Variants in PRKCZ observed in about 807,000 individuals in gnomAD.
PRKCZ encodes protein kinase C zeta, also known as protein kinase C zeta type.
Under a neutral mutation model 79.5 loss-of-function variants are expected in PRKCZ, and 33 were observed. The ratio of observed to expected loss-of-function variants is 0.41; its 90% CI spans 0.31 to 0.55. The LOEUF is 0.55. Among genes scored for constraint, PRKCZ ranks in the 20% least tolerant of loss-of-function variants. The pLI is 0.19. For missense variants in PRKCZ, 578 were observed against 813.5 expected (o/e 0.71, Z 3.52); for synonymous variants, 342 against 320.9 (o/e 1.07, Z -0.70).
At chr1:2,061,412 T>TG (rs1179986742) in intron 4 of PRKCZ, among the ~76,000 whole-genome samples, 29 of 90,212 alleles carry the variant, frequency 3.2e-4, no homozygotes, top group African/African-American at 1.3e-3. Context: ...AAGGGGAGGT[T>TG]GGGGGGTCAC....
intron 3 of PRKCZ, among the ~76,000 whole-genome samples, chr1:2,057,178 C>G (rs1213649987): frequency 1.3e-5 from 2 of 152,248 alleles, no homozygotes; most frequent in African/African-American, 4.8e-5. Flanking sequence ...CCGGTGCTCC[C>G]TAGGCCCGGC....
Position 2,185,003 on chromosome 1 carries a change from G to T in PRKCZ, c.1773G>T (p.Ser591=). The T allele has an allele frequency of 6.2e-7, 1 of 1,612,428 alleles. No homozygotes were observed. Among genetic ancestry groups the T allele is most frequent in the Non-Finnish European group, 8.5e-7 (1 of 1,179,262 alleles). Residue 591 remains serine, a synonymous_variant, in exon 18 of 18, where the codon TCG becomes TCT. Coordinates refer to ENST00000378567, the MANE Select transcript of PRKCZ (RefSeq NM_002744.6). ...INPLLLSTEE[S]V is the part of the protein sequence containing the mutation. ...CATTATTGCTGTCCACCGAGGAGTC[G>T]GTGTGAGGCCGCGTGCGTCTCTGTC...
chr1:2,057,135 A>G (rs2102223501), intron 3 of PRKCZ, among the ~76,000 whole-genome samples: 1 of 152,360 alleles, frequency 6.6e-6, no homozygotes, highest in South Asian at 2.1e-4. Context: ...GCATGTGGAC[A>G]GAGGGGACAG....
At chr1:2,180,528 G>C (rs2945575) in intron 16 of PRKCZ, among the ~76,000 whole-genome samples, 1 of 150,968 alleles carries the variant, frequency 6.6e-6, no homozygotes. Flanking sequence ...CACAGATGAC[G>C]TGGACGCACG....
At chr1:2,067,154 T>C (rs61601646) in intron 4 of PRKCZ, among the ~76,000 whole-genome samples, 1 of 152,222 alleles carries the variant, frequency 6.6e-6, no homozygotes, top group East Asian at 1.9e-4. Flanking sequence ...ATGTCTGTTT[T>C]TTGAAATCTA....
At chr1:2,129,467 G>A in intron 4 of PRKCZ, among the ~76,000 whole-genome samples, 1 of 152,204 alleles carries the variant, frequency 6.6e-6, no homozygotes, top group Admixed American at 6.5e-5. Context: ...GTGGGCTCCT[G>A]GAAGAGGCAG....
chr1:2,180,061 G>A (rs1283913622), intron 16 of PRKCZ, among the ~76,000 whole-genome samples: 1 of 152,166 alleles, frequency 6.6e-6, no homozygotes, highest in African/African-American at 2.4e-5. Context: ...TCATGGAGAG[G>A]GACAAGCCCC....
intron 4 of PRKCZ, among the ~76,000 whole-genome samples, chr1:2,091,866 G>A (rs917949172): frequency 1.3e-5 from 2 of 152,152 alleles, no homozygotes; most frequent in Admixed American, 6.5e-5. Flanking sequence ...TCCTGTGTTG[G>A]GGCCACGGAG....
chr1:2,185,185 C>T lies in PRKCZ; in HGVS notation c.*176C>T, dbSNP rs375170466. On this transcript the variant is annotated 3_prime_UTR_variant, in exon 18 of 18. Coordinates refer to ENST00000378567, the MANE Select transcript of PRKCZ (RefSeq NM_002744.6). Reference sequence around the variant, plus strand: ...CTGCTGGGAGCAGAACAGTCCCTCACACCTGGGCCCGGGCAGGCCAGCTTC... The same window carrying T: ...CTGCTGGGAGCAGAACAGTCCCTCATACCTGGGCCCGGGCAGGCCAGCTTC... 5 of 719,666 alleles carry T rather than the reference C, an allele frequency of 6.9e-6. No individual in the cohort carries two copies. Among genetic ancestry groups the T allele is most frequent in the East Asian group, 2.7e-5 (1 of 37,178 alleles). The allele number at this position is 719,666 out of a possible 1,614,324, so 44.6% of individuals were successfully genotyped here.
At chr1:2,054,034 G>T (rs933790906) in intron 1 of PRKCZ, among the ~76,000 whole-genome samples, 1 of 152,192 alleles carries the variant, frequency 6.6e-6, no homozygotes, top group Non-Finnish European at 1.5e-5. Context: ...TGTGGGGCAG[G>T]TGGGCCCTGG....
At chr1:2,059,845 C>A (rs907118663) in intron 4 of PRKCZ, among the ~76,000 whole-genome samples, 1 of 152,116 alleles carries the variant, frequency 6.6e-6, no homozygotes, top group Non-Finnish European at 1.5e-5. Context: ...GGTGCCCTGC[C>A]GTCTCCCTAG....
At chr1:2,051,328 C>T (rs746910049) in intron 1 of PRKCZ, among the ~76,000 whole-genome samples, 2 of 152,182 alleles carry the variant, frequency 1.3e-5, no homozygotes, top group Non-Finnish European at 2.9e-5. Flanking sequence ...GGGTCCTGGA[C>T]TCTTGGCCGC....
intron 4 of PRKCZ, among the ~76,000 whole-genome samples, chr1:2,089,214 C>T (rs1413642314): frequency 7.8e-6 from 1 of 127,476 alleles, no homozygotes; most frequent in African/African-American, 3.9e-5. Context: ...CAGAGTTCGG[C>T]CGGGCGATGG....
intron 4 of PRKCZ, among the ~76,000 whole-genome samples, chr1:2,117,719 A>G (rs1671022060): frequency 6.6e-6 from 1 of 152,182 alleles, no homozygotes; most frequent in African/African-American, 2.4e-5. Context: ...AAGAGGTTCT[A>G]TTTTATTCCT....
chr1:2,084,563 G>T, intron 4 of PRKCZ, among the ~76,000 whole-genome samples: 1 of 152,248 alleles, frequency 6.6e-6, no homozygotes, highest in Non-Finnish European at 1.5e-5. Flanking sequence ...GCGGTCCTGT[G>T]TGCTCACCCT....
rs74696899 is a variant in PRKCZ, at chr1:2,070,940, C to A, written c.334+11349C>A. Among the ~76,000 whole-genome samples, 471 of 152,230 alleles carry A rather than the reference C, an allele frequency of 3.1e-3. 22 individuals are homozygous for A. The East Asian group carries it at 0.078, about 25-fold the overall frequency. On this transcript the variant is annotated intron_variant, in intron 4 of 17. Coordinates refer to ENST00000378567, the MANE Select transcript of PRKCZ (RefSeq NM_002744.6). ...CCCGTCTGCCTCCCGCCCTCATAGC[C>A]CTGTAGCCTAGGGCAGAGAGGGGTC...
intron 4 of PRKCZ, chr1:2,098,599 C>G (rs1666930065): frequency 6.6e-6 from 1 of 152,272 alleles, no homozygotes; most frequent in Non-Finnish European, 1.5e-5. Flanking sequence ...TTGTAGAAAA[C>G]TCATTCCAAT....
At chr1:2,179,214 C>A (rs1686068394) in intron 16 of PRKCZ, among the ~76,000 whole-genome samples, 1 of 152,214 alleles carries the variant, frequency 6.6e-6, no homozygotes, top group Non-Finnish European at 1.5e-5. Context: ...CCAGGCACAT[C>A]CTCAGGCTCC....
chr1:2,129,516 G>A (rs1018774763), intron 4 of PRKCZ, among the ~76,000 whole-genome samples: 4 of 152,162 alleles, frequency 2.6e-5, no homozygotes, highest in Admixed American at 6.5e-5. Flanking sequence ...ACCCTGGGGC[G>A]GACGCAGACA....
Sources: gnomAD v4.1 joint callset for allele counts (sites outside exome capture counted in the v4.1 genomes callset) on GRCh38, gnomAD v4.1.1 for gene constraint, MANE v1.5 for transcripts, NCBI Gene and HGNC (gene_info 2026-07-23, HGNC 2026-07-21) for gene names.